HEMK2: variants seen among roughly 807,000 people sequenced by gnomAD.
HEMK2 encodes the protein HemK methyltransferase 2, ETF1 glutamine and histone H4 lysine.
chr21:28,693,042 T>C, the HEMK2 span, among the ~76,000 whole-genome samples: 4 of 151,996 alleles, frequency 2.6e-5, no homozygotes, highest in African/African-American at 7.2e-5. Context: ...GGTTTCTTTG[T>C]GGGGTGATGA....
chr21:28,683,276 C>T, the HEMK2 span, among the ~76,000 whole-genome samples: 59 of 152,132 alleles, frequency 3.9e-4, no homozygotes, highest in African/African-American at 1.3e-3. Context: ...AACAGTCACA[C>T]AGGTATAACA....
the HEMK2 span, among the ~76,000 whole-genome samples, chr21:28,696,984 G>A: frequency 3.4e-5 from 5 of 148,902 alleles, no homozygotes; most frequent in East Asian, 8.2e-4. Flanking sequence ...CACAGCAGGG[G>A]AGCCCTGGAC....
chr21:28,681,653 C>T, the HEMK2 span, among the ~76,000 whole-genome samples: 2 of 152,166 alleles, frequency 1.3e-5, no homozygotes, highest in Non-Finnish European at 2.9e-5. Context: ...TCAAACCACA[C>T]TACAAGGCTA....
At chr21:28,855,696 T>C in the HEMK2 span, among the ~76,000 whole-genome samples, 2 of 152,136 alleles carry the variant, frequency 1.3e-5, no homozygotes, top group East Asian at 3.8e-4. Context: ...AAAATGGAAA[T>C]CAATACTAAG....
chr21:28,646,960 T>C, the HEMK2 span, among the ~76,000 whole-genome samples: 4 of 152,138 alleles, frequency 2.6e-5, no homozygotes, highest in African/African-American at 7.2e-5. Context: ...GAAGAAGAAA[T>C]AGGCTCCTGT....
the HEMK2 span, among the ~76,000 whole-genome samples, chr21:28,723,953 G>C: frequency 6.6e-6 from 1 of 152,076 alleles, no homozygotes; most frequent in African/African-American, 2.4e-5. Context: ...CCGTAACTTT[G>C]ACCATCAGAA....
chr21:28,810,527 T>G, the HEMK2 span, among the ~76,000 whole-genome samples: 1 of 152,216 alleles, frequency 6.6e-6, no homozygotes, highest in African/African-American at 2.4e-5. Context: ...GCCCTCCTTT[T>G]CTGTTTTTCC....
the HEMK2 span, among the ~76,000 whole-genome samples, chr21:28,722,908 CAAAA>C: frequency 6.9e-6 from 1 of 145,354 alleles, no homozygotes; most frequent in Non-Finnish European, 1.5e-5. Flanking sequence ...AACAAACAAA[CAAAA>C]AGCATCCAGA....
the HEMK2 span, among the ~76,000 whole-genome samples, chr21:28,601,747 C>A: frequency 9.7e-6 from 1 of 102,830 alleles, no homozygotes; most frequent in Non-Finnish European, 2.2e-5. Flanking sequence ...GTTCCAAGAA[C>A]TGAAGCTAGC....
the HEMK2 span, among the ~76,000 whole-genome samples, chr21:28,705,005 A>G: frequency 6.6e-6 from 1 of 152,252 alleles, no homozygotes; most frequent in East Asian, 1.9e-4. Context: ...CACTGCTGCT[A>G]TCGTTCGTAC....
the HEMK2 span, among the ~76,000 whole-genome samples, chr21:28,628,798 C>T: frequency 3.9e-5 from 6 of 152,324 alleles, 1 homozygote; most frequent in African/African-American, 1.2e-4. Context: ...AACAAGTGAG[C>T]GTCACGTGCT....
the HEMK2 span, among the ~76,000 whole-genome samples, chr21:28,870,170 CAG>C: frequency 2.6e-5 from 4 of 152,064 alleles, no homozygotes; most frequent in Admixed American, 6.5e-5. Context: ...TAAGGAAGTA[CAG>C]AGAGTTTTGT....
the HEMK2 span, among the ~76,000 whole-genome samples, chr21:28,714,082 T>C: frequency 4.6e-5 from 7 of 152,228 alleles, no homozygotes; most frequent in African/African-American, 7.2e-5. Context: ...GTTGTCTTCA[T>C]GTTAAGAGTT....
chr21:28,756,897 T>C, the HEMK2 span, among the ~76,000 whole-genome samples: 4 of 152,354 alleles, frequency 2.6e-5, no homozygotes, highest in South Asian at 4.1e-4. Flanking sequence ...GTGTCTAAGA[T>C]TGATGTAATC....
At chr21:28,876,172 A>G in the HEMK2 span, 2 of 351,942 alleles carry the variant, frequency 5.7e-6, no homozygotes, top group Non-Finnish European at 1.0e-5. Context: ...CATAATTTTT[A>G]TATTTAAAAT....
At chr21:28,704,078 G>T in the HEMK2 span, among the ~76,000 whole-genome samples, 1 of 152,118 alleles carries the variant, frequency 6.6e-6, no homozygotes, top group Non-Finnish European at 1.5e-5. Flanking sequence ...AGATACTGAA[G>T]AAATAAACCC....
At chr21:28,752,198 CCAAA>C in the HEMK2 span, among the ~76,000 whole-genome samples, 1 of 152,152 alleles carries the variant, frequency 6.6e-6, no homozygotes, top group Non-Finnish European at 1.5e-5. Context: ...TGTCCCCAAA[CCAAA>C]CAAAGTCCAA....
chr21:28,876,399 A>G, the HEMK2 span: 1 of 1,608,776 alleles, frequency 6.2e-7, no homozygotes, highest in Non-Finnish European at 8.5e-7. Flanking sequence ...GACTTGGTGA[A>G]CTTGAGGACT....
chr21:28,671,125 T>G, the HEMK2 span: 1 of 152,238 alleles, frequency 6.6e-6, no homozygotes, highest in Non-Finnish European at 1.5e-5. Flanking sequence ...GGCAAGAGCC[T>G]TCACGGGAGG....
Sources: allele counts gnomAD v4.1 joint callset (sites outside exome capture counted in the v4.1 genomes callset), GRCh38; gene constraint gnomAD v4.1.1; transcripts MANE v1.5; gene names NCBI Gene and HGNC (gene_info 2026-07-23, HGNC 2026-07-21).